EBAG9: variants seen among roughly 807,000 people sequenced by gnomAD.
EBAG9 encodes estrogen receptor binding site associated antigen 9, also known as receptor-binding cancer antigen expressed on SiSo cells.
Under a neutral mutation model 30.9 loss-of-function variants are expected in EBAG9, and 16 were observed. That is an observed-to-expected ratio of 0.52 (90% CI 0.35 to 0.79). The LOEUF (loss-of-function observed/expected upper bound fraction) is 0.79, where lower values mean the gene tolerates loss of function less well. Among genes scored for constraint, EBAG9 ranks in the 30% least tolerant of loss-of-function variants. EBAG9 has a pLI of 0.01. For missense variants in EBAG9, 197 were observed against 242.1 expected, an observed-to-expected ratio of 0.81 and a Z score of 1.24; for synonymous variants, 93 against 82.8, an observed-to-expected ratio of 1.12 and a Z score of -0.67.
intron 1 of EBAG9, among the ~76,000 whole-genome samples, chr8:109,543,373 G>A (rs1015890082): frequency 2.3e-4 from 35 of 151,910 alleles, no homozygotes; most frequent in South Asian, 4.1e-4. Context: ...ACTAGTGTGC[G>A]TTTTGCCTTT....
intron 1 of EBAG9, among the ~76,000 whole-genome samples, chr8:109,542,076 C>A (rs1045488726): frequency 2.0e-5 from 3 of 152,138 alleles, no homozygotes; most frequent in Non-Finnish European, 4.4e-5. Context: ...TTCAATGAAA[C>A]AAGGACAATA....
chr8:109,564,750 A>G lies in EBAG9; in HGVS notation c.*191A>G. ...AGTGATTGAGACTCAAAAAAACAAA[A>G]AAGACTTGAGACAATGTTTTCTTCA... On this transcript the variant is annotated 3_prime_UTR_variant, in exon 7 of 7. Transcript: ENST00000337573. 1 of 609,396 alleles carries G rather than the reference A, an allele frequency of 1.6e-6. No individual in the cohort carries two copies. 37.7% of individuals were successfully genotyped at this position (609,396 alleles called of 1,614,324 possible). A position where few individuals can be genotyped will look rare whatever the true frequency, so the allele number is the denominator to read the frequency against.
intron 3 of EBAG9, 93 bp downstream of exon 3, chr8:109,554,036 C>A (rs1244723498): frequency 1.2e-6 from 1 of 840,256 alleles, no homozygotes. Context: ...GATTGCAGAT[C>A]ATTAATAGAA....
At chr8:109,549,080 T>C (rs1563653927) in intron 1 of EBAG9, among the ~76,000 whole-genome samples, 1 of 151,714 alleles carries the variant, frequency 6.6e-6, no homozygotes, top group Non-Finnish European at 1.5e-5. Context: ...AGTTCCCTTA[T>C]ACTTTGCTGC....
intron 6 of EBAG9, among the ~76,000 whole-genome samples, chr8:109,562,951 A>G (rs1050857051): frequency 1.3e-5 from 2 of 152,036 alleles, no homozygotes. Flanking sequence ...TTCAGCTAGT[A>G]ACCAGGTCAA....
At chr8:109,552,168 G>T (rs1414777906) in intron 2 of EBAG9, among the ~76,000 whole-genome samples, 1 of 151,948 alleles carries the variant, frequency 6.6e-6, no homozygotes, top group African/African-American at 2.4e-5. Flanking sequence ...CCCCCTAGCT[G>T]CAAGGAAGGA....
chr8:109,558,001 G>A (rs1456214562), intron 5 of EBAG9: 1 of 171,714 alleles, frequency 5.8e-6, no homozygotes, highest in African/African-American at 2.4e-5. Context: ...TTTTATAAGT[G>A]ATACACTGTC....
intron 4 of EBAG9, 70 bp downstream of exon 4, chr8:109,554,957 C>T (rs963685433): frequency 1.3e-5 from 17 of 1,357,592 alleles, no homozygotes; most frequent in Non-Finnish European, 1.7e-5. Context: ...TTAGGTGATA[C>T]AATTCACATT....
rs544294718 is a variant in EBAG9 at position 109,553,022 on chromosome 8, G to A, written c.84-843G>A. Among the ~76,000 whole-genome samples the A allele has an allele frequency of 2.5e-4, 38 of 150,910 alleles. 1 individual carries two copies. The South Asian group carries it at 7.9e-3, about 32-fold the overall frequency. ...TTTAAACAAATATAGCTTTGAATCT[G>A]TAATAAAAATAGCTGACTTTATCGT... On this transcript the variant is annotated intron_variant, in intron 2 of 6. Transcript: ENST00000337573.
chr8:109,558,028 A>G (rs1821635883), intron 5 of EBAG9: 2 of 161,900 alleles, frequency 1.2e-5, no homozygotes, highest in African/African-American at 2.4e-5. Flanking sequence ...ATGTTATTTC[A>G]TTAGAAGCCA....
In EBAG9 at chr8:109,565,189, T is replaced by C. The variant is rs1586697807; in HGVS notation, c.*630T>C. The C allele has an allele frequency of 1.3e-5, 2 of 152,686 alleles. No individual in the cohort carries two copies. The highest frequency in any genetic ancestry group is 3.9e-4 in the East Asian group (2 of 5,188). 9.5% of individuals were successfully genotyped at this position (152,686 alleles called of 1,614,324 possible). ...CATTTTGTACATCATTATTTTCTTT[T>C]GGATTAGTGTTGTCATACATGTAAT... On this transcript the variant is annotated 3_prime_UTR_variant, in exon 7 of 7. Coordinates refer to ENST00000337573, the MANE Select transcript of EBAG9 (RefSeq NM_004215.5).
intron 1 of EBAG9, among the ~76,000 whole-genome samples, chr8:109,544,813 G>T (rs934568932): frequency 6.6e-6 from 1 of 152,118 alleles, no homozygotes; most frequent in African/African-American, 2.4e-5. Flanking sequence ...CCTCTTTCGT[G>T]TGTATTTTGA....
At chr8:109,563,662 G>T in intron 6 of EBAG9, 1 of 985,130 alleles carries the variant, frequency 1.0e-6, no homozygotes, top group Non-Finnish European at 1.4e-6. Context: ...GTGTCAAGGG[G>T]GTTTGTCGTA....
intron 3 of EBAG9, among the ~76,000 whole-genome samples, chr8:109,554,502 T>A (rs1415081167): frequency 2.0e-5 from 3 of 152,198 alleles, no homozygotes; most frequent in Non-Finnish European, 4.4e-5. Context: ...GTTTTTTGTT[T>A]TTTGATGGAC....
intron 2 of EBAG9, among the ~76,000 whole-genome samples, chr8:109,553,486 A>T (rs868211956): frequency 6.6e-6 from 1 of 152,200 alleles, no homozygotes; most frequent in Non-Finnish European, 1.5e-5. Flanking sequence ...TAAAACATAA[A>T]AGCCAAGCCA....
Position 109,556,929 on chromosome 8 carries a change from T to C in EBAG9, c.322-6T>C. 2 of 1,541,272 alleles carry C rather than the reference T, an allele frequency of 1.3e-6. No homozygotes were observed. The highest frequency in any genetic ancestry group is 2.4e-5 in the South Asian group (2 of 81,958). On this transcript the variant is annotated splice_region_variant and splice_polypyrimidine_tract_variant and intron_variant, in intron 4 of 6. Coordinates refer to ENST00000337573, the MANE Select transcript of EBAG9 (RefSeq NM_004215.5). ...CCCTATAATTCTTTTTCAATTAATC[T>C]TTCAGATTGTTATTAAGAAGAGAGA...
intron 4 of EBAG9, among the ~76,000 whole-genome samples, chr8:109,556,284 T>A (rs918723927): frequency 5.3e-5 from 8 of 152,084 alleles, no homozygotes; most frequent in African/African-American, 1.9e-4. Flanking sequence ...AGCTATACAT[T>A]TATATTTACA....
rs576317159 is a variant in EBAG9, at chr8:109,540,614, C to G, written c.-16+153C>G. ...GTCACATACTTGAGGGCCTGACTCT[C>G]GGTTGCCAGACATGGCACAGAATGT... On this transcript the variant is annotated intron_variant, in intron 1 of 6. Transcript: ENST00000337573. The G allele has an allele frequency of 5.9e-5, 9 of 152,380 alleles. No individual in the cohort carries two copies. In the East Asian group the frequency reaches 1.5e-3, roughly 26 times the overall value. 9.4% of individuals were successfully genotyped at this position (152,380 alleles called of 1,614,324 possible). A position where few individuals can be genotyped will look rare whatever the true frequency, so the allele number is the denominator to read the frequency against.
chr8:109,546,692 A>G (rs552156396), intron 1 of EBAG9, among the ~76,000 whole-genome samples: 1 of 152,246 alleles, frequency 6.6e-6, no homozygotes, highest in East Asian at 1.9e-4. Flanking sequence ...GTGGCCCAAG[A>G]TAATTCTTTT....
Sources: allele counts gnomAD v4.1 joint callset (sites outside exome capture counted in the v4.1 genomes callset), GRCh38; gene constraint gnomAD v4.1.1; transcripts MANE v1.5; gene names NCBI Gene and HGNC (gene_info 2026-07-23, HGNC 2026-07-21).